The following IL23R variants were observed in gnomAD, a reference collection of about 807,000 sequenced individuals.
The protein encoded by IL23R is interleukin-23 receptor.
Under a neutral mutation model 56.9 loss-of-function variants are expected in IL23R, and 34 were observed. The observed-to-expected ratio is 0.60, with a 90% CI of 0.45 to 0.80. The LOEUF is 0.80. Among genes scored for constraint, IL23R ranks in the 30% least tolerant of loss-of-function variants. IL23R has a pLI of 0.00. For synonymous variants in IL23R, 230 were observed against 249.2 expected (o/e 0.92, Z 0.73); for missense variants, 635 against 730.0 (o/e 0.87, Z 1.50).
chr1:67,212,429 A>G (rs1249398576), intron 6 of IL23R, among the ~76,000 whole-genome samples: 3 of 152,178 alleles, frequency 2.0e-5, no homozygotes, highest in African/African-American at 7.2e-5. Flanking sequence ...CATTGCCTCC[A>G]TTAGATATTG....
intron 7 of IL23R, among the ~76,000 whole-genome samples, chr1:67,223,766 A>G (rs897743382): frequency 4.6e-5 from 7 of 152,132 alleles, no homozygotes; most frequent in African/African-American, 1.7e-4. Context: ...GCTGCACGGC[A>G]TTCTCGTTTA....
chr1:67,258,776 T>G lies in IL23R; in HGVS notation c.1538T>G (p.Val513Gly). 1 of 1,611,116 alleles carries G rather than the reference T, an allele frequency of 6.2e-7. No individual in the cohort carries two copies. The highest frequency in any genetic ancestry group is 2.2e-5 in the East Asian group (1 of 44,820). The change falls in exon 11 of 11, where the codon GTT becomes GGT. Residue 513 changes from valine (V) to glycine (G), a missense_variant. By Grantham distance (109) the Val-to-Gly change is moderately radical. Coordinates refer to ENST00000347310, the MANE Select transcript of IL23R (RefSeq NM_144701.3). ...EITSLTLKPP[V>G]DSLDSGNNPR... is the part of the protein sequence containing the mutation. ...ACTTCCTTAACACTTAAACCACCAG[T>G]TGATTCCTTAGACTCAGGAAATAAT...
At chr1:67,258,205 C>T (rs1443185036) in intron 10 of IL23R, among the ~76,000 whole-genome samples, 1 of 152,106 alleles carries the variant, frequency 6.6e-6, no homozygotes, top group Non-Finnish European at 1.5e-5. Context: ...CAACTTTTCT[C>T]TTTAAAACTT....
At chr1:67,258,344 G>C (rs1342147034) in intron 10 of IL23R, 134 bp from the exon 11 acceptor site, 1 of 601,640 alleles carries the variant, frequency 1.7e-6, no homozygotes, top group Non-Finnish European at 2.9e-6. Context: ...AAATCATATG[G>C]GAAGATAAAC....
chr1:67,249,389 G>A (rs1652470996), intron 9 of IL23R, among the ~76,000 whole-genome samples: 1 of 151,974 alleles, frequency 6.6e-6, no homozygotes. Context: ...TTCCGTGTTT[G>A]TGAAGTTTTC....
intron 3 of IL23R, among the ~76,000 whole-genome samples, chr1:67,181,594 C>T (rs754877576): frequency 5.3e-5 from 8 of 152,160 alleles, no homozygotes; most frequent in Non-Finnish European, 7.3e-5. Context: ...TCCTTTAGCT[C>T]GGAGAAGTTT....
chr1:67,145,199 T>A (rs1646668776), intron 1 of IL23R, among the ~76,000 whole-genome samples: 1 of 151,974 alleles, frequency 6.6e-6, no homozygotes, highest in East Asian at 1.9e-4. Context: ...TACAAAAAAT[T>A]AGCCAGGCTT....
chr1:67,208,678 C>A (rs1190481199), intron 6 of IL23R, among the ~76,000 whole-genome samples: 1 of 152,182 alleles, frequency 6.6e-6, no homozygotes, highest in Non-Finnish European at 1.5e-5. Context: ...GCCTGGATGG[C>A]CAGGTGAAAG....
intron 1 of IL23R, among the ~76,000 whole-genome samples, chr1:67,144,044 T>C (rs1339949724): frequency 6.6e-6 from 1 of 152,186 alleles, no homozygotes. Context: ...AAAATAATAA[T>C]GACTTGAAAT....
At chr1:67,244,681 T>C in intron 9 of IL23R, among the ~76,000 whole-genome samples, 1 of 152,192 alleles carries the variant, frequency 6.6e-6, no homozygotes, top group Admixed American at 6.5e-5. Flanking sequence ...ATATCTGTTT[T>C]GGTACCAGTA....
intron 3 of IL23R, among the ~76,000 whole-genome samples, chr1:67,182,293 GC>G (rs1290512153): frequency 6.6e-6 from 1 of 152,200 alleles, no homozygotes; most frequent in East Asian, 1.9e-4. Flanking sequence ...CCCAGTTCGA[GC>G]TTCCCAGCCA....
At chr1:67,173,816 A>ATTTT (rs1646975459) in intron 3 of IL23R, among the ~76,000 whole-genome samples, 1 of 152,208 alleles carries the variant, frequency 6.6e-6, no homozygotes, top group South Asian at 2.1e-4. Context: ...ACTAGTAACC[A>ATTTT]TAATCCCTCT....
In IL23R at chr1:67,182,757, C is replaced by T. The variant is rs560281270; in HGVS notation, c.368-79C>T. The T allele has an allele frequency of 3.3e-6, 5 of 1,504,610 alleles. No homozygotes were observed. The South Asian group carries it at 4.5e-5, about 14-fold the overall frequency. The allele number at this position is 1,504,610 out of a possible 1,614,324, so 93.2% of individuals were successfully genotyped here. On this transcript the variant is annotated intron_variant, in intron 3 of 10. Transcript: ENST00000347310. ...CTGGGAGCTGTAGACTGGAGCTGTT[C>T]CTATTCAGCCATCTTGGCTTGGGAC...
chr1:67,194,243 T>C (rs781376563), intron 4 of IL23R, among the ~76,000 whole-genome samples: 39 of 152,020 alleles, frequency 2.6e-4, no homozygotes, highest in Non-Finnish European at 5.7e-4. Context: ...TTGGGGATCA[T>C]TCAGCCCTTC....
rs1046158908 is a variant in IL23R at position 67,242,155 on chromosome 1, C to G, written c.1148+1874C>G. 3.3e-5 allele frequency among the ~76,000 whole-genome samples: 5 copies of G among 152,268 alleles called. No individual in the cohort carries two copies. The East Asian group carries it at 9.6e-4, about 29-fold the overall frequency. ...GAAAAAAGACCTAACAAATGATGCC[C>G]TGCTAGAAGAGTGAAGGCCTCCTGG... On this transcript the variant is annotated intron_variant, in intron 9 of 10. Transcript: ENST00000347310.
At chr1:67,192,779 C>T (rs1647846263) in intron 4 of IL23R, among the ~76,000 whole-genome samples, 1 of 152,132 alleles carries the variant, frequency 6.6e-6, no homozygotes. Flanking sequence ...TTTAAAATGA[C>T]CTCACCACCT....
chr1:67,210,235 G>A (rs1331619465), intron 6 of IL23R, among the ~76,000 whole-genome samples: 3 of 152,154 alleles, frequency 2.0e-5, no homozygotes, highest in Non-Finnish European at 4.4e-5. Flanking sequence ...AGGCATAGCT[G>A]CAAGGTTCAT....
chr1:67,152,811 G>T (rs1020430856), intron 1 of IL23R, among the ~76,000 whole-genome samples: 1 of 152,190 alleles, frequency 6.6e-6, no homozygotes, highest in African/African-American at 2.4e-5. Flanking sequence ...CTTGGTCGTG[G>T]TGGATAAGCT....
At chr1:67,205,400 T>C (rs1648933242) in intron 5 of IL23R, among the ~76,000 whole-genome samples, 1 of 152,240 alleles carries the variant, frequency 6.6e-6, no homozygotes, top group Admixed American at 6.5e-5. Flanking sequence ...AACTAATTCA[T>C]AGAGAATATT....
Sources: allele counts gnomAD v4.1 joint callset (sites outside exome capture counted in the v4.1 genomes callset), GRCh38; gene constraint gnomAD v4.1.1; transcripts MANE v1.5; gene names NCBI Gene and HGNC (gene_info 2026-07-23, HGNC 2026-07-21).